Variants in SMOC2 observed in about 807,000 individuals in gnomAD.
SMOC2 encodes the protein SPARC related modular calcium binding 2.
A neutral mutation model predicts 61.4 loss-of-function variants in SMOC2; 39 were observed. The ratio of observed to expected loss-of-function variants is 0.64; its 90% CI spans 0.49 to 0.83. The LOEUF (loss-of-function observed/expected upper bound fraction) is 0.83, where lower values mean the gene tolerates loss of function less well. SMOC2 is among the 40% of genes least tolerant of loss of function. The pLI is 0.00. For synonymous variants in SMOC2, 247 were observed against 239.9 expected (o/e 1.03, Z -0.27); for missense variants, 556 against 592.9 (o/e 0.94, Z 0.65).
At chr6:168,531,569 G>C (rs1391704924) in intron 4 of SMOC2, among the ~76,000 whole-genome samples, 1 of 152,174 alleles carries the variant, frequency 6.6e-6, no homozygotes, top group African/African-American at 2.4e-5. Context: ...GGGGGATTTG[G>C]GGAACAGGAA....
intron 1 of SMOC2, among the ~76,000 whole-genome samples, chr6:168,441,978 T>A (rs1209949722): frequency 6.6e-6 from 1 of 152,204 alleles, no homozygotes; most frequent in Admixed American, 6.5e-5. Context: ...CCGACCGCTT[T>A]GGGCTCGTGC....
chr6:168,558,549 T>C (rs1784304811), intron 7 of SMOC2, among the ~76,000 whole-genome samples: 2 of 152,178 alleles, frequency 1.3e-5, no homozygotes, highest in African/African-American at 4.8e-5. Flanking sequence ...ATTTTACCTA[T>C]CTGGGTTTCA....
chr6:168,608,305 G>C, intron 9 of SMOC2, 66 bp downstream of exon 9: 1 of 1,511,286 alleles, frequency 6.6e-7, no homozygotes, highest in Non-Finnish European at 9.0e-7. Flanking sequence ...TGCAAATTTG[G>C]AATGAAAAAG....
rs1782049951 is a variant in SMOC2 at position 168,475,160 on chromosome 6, A to G, written c.84+33706A>G. Among the ~76,000 whole-genome samples the G allele has an allele frequency of 6.6e-6, 1 of 152,054 alleles. No homozygotes were observed. Among genetic ancestry groups the G allele is most frequent in the Non-Finnish European group, 1.5e-5 (1 of 67,990 alleles). ...GTCTAGTGAGGAGTTTGGAATCGGG[A>G]AGATGAGTTCAAATGCCAGCCCTGC... On this transcript the variant is annotated intron_variant, in intron 1 of 12. Transcript: ENST00000356284. The surrounding 1 kb of genome is among the most constrained non-coding windows in gnomAD (Gnocchi z 4.6).
intron 8 of SMOC2, among the ~76,000 whole-genome samples, chr6:168,604,466 C>T (rs1226266624): frequency 6.6e-6 from 1 of 152,138 alleles, no homozygotes; most frequent in African/African-American, 2.4e-5. Context: ...CCTCATCTCC[C>T]AGTGATTCTG....
intron 9 of SMOC2, among the ~76,000 whole-genome samples, chr6:168,615,980 A>G (rs895782914): frequency 6.6e-6 from 1 of 152,224 alleles, no homozygotes; most frequent in African/African-American, 2.4e-5. Context: ...TCCAAAAGGT[A>G]GTTAGATCAG....
intron 11 of SMOC2, among the ~76,000 whole-genome samples, chr6:168,655,683 A>G (rs1301166049): frequency 6.6e-6 from 1 of 151,032 alleles, no homozygotes. Flanking sequence ...TTTCCCTCAC[A>G]CATGTGTGCT....
chr6:168,558,821 ATG>A lies in SMOC2; in HGVS notation c.637+9621_637+9622del, dbSNP rs561039284. On this transcript the variant is annotated intron_variant, in intron 7 of 12. Coordinates refer to ENST00000356284, the MANE Select transcript of SMOC2 (RefSeq NM_001166412.2). The stretch of plus-strand genomic sequence containing the variant: ...CGTGTGCGCATGTGTGTGTGTGCGT[ATG>A]TGCATGTGTGTGCACGTGTGTATGT... Among the ~76,000 whole-genome samples, 813 of 148,224 alleles carry A rather than the reference ATG, an allele frequency of 5.5e-3. 12 individuals carry two copies. The highest frequency in any genetic ancestry group is 0.019 in the African/African-American group (775 of 40,012).
chr6:168,543,008 C>T (rs1007638853), intron 4 of SMOC2, among the ~76,000 whole-genome samples: 7 of 152,214 alleles, frequency 4.6e-5, no homozygotes, highest in Admixed American at 3.3e-4. Flanking sequence ...TTTTATTTCT[C>T]GAGTTGGTAT....
At chr6:168,491,777 C>T (rs1259393828) in intron 1 of SMOC2, among the ~76,000 whole-genome samples, 1 of 152,076 alleles carries the variant, frequency 6.6e-6, no homozygotes, top group African/African-American at 2.4e-5. Flanking sequence ...AAAGAGATTG[C>T]TTGTTGGCCG....
chr6:168,645,556 T>G (rs1289040704), intron 9 of SMOC2, among the ~76,000 whole-genome samples: 1 of 152,116 alleles, frequency 6.6e-6, no homozygotes, highest in Non-Finnish European at 1.5e-5. Flanking sequence ...GCCTTAAAAT[T>G]CTGACCAAAT....
chr6:168,632,968 C>T (rs1479228523), intron 9 of SMOC2, among the ~76,000 whole-genome samples: 1 of 152,184 alleles, frequency 6.6e-6, no homozygotes, highest in Non-Finnish European at 1.5e-5. Context: ...CTTCCCCCTT[C>T]CCCAGGGGTC....
chr6:168,474,227 ATG>A, intron 1 of SMOC2, among the ~76,000 whole-genome samples: 1 of 152,174 alleles, frequency 6.6e-6, no homozygotes, highest in African/African-American at 2.4e-5. Context: ...TGCACGTTTT[ATG>A]GGGGAGGCCA....
At chr6:168,635,640 G>T (rs981018412) in intron 9 of SMOC2, among the ~76,000 whole-genome samples, 2 of 152,178 alleles carry the variant, frequency 1.3e-5, no homozygotes, top group African/African-American at 4.8e-5. Flanking sequence ...GGAGGCCGAG[G>T]TGGGTAGATC....
intron 9 of SMOC2, among the ~76,000 whole-genome samples, chr6:168,632,832 G>C (rs966141389): frequency 6.6e-6 from 1 of 152,180 alleles, no homozygotes; most frequent in African/African-American, 2.4e-5. Context: ...CCATCCTTTT[G>C]ATGCCTTTTC....
chr6:168,498,737 A>G (rs889769616), intron 1 of SMOC2, among the ~76,000 whole-genome samples: 1 of 121,606 alleles, frequency 8.2e-6, no homozygotes, highest in Non-Finnish European at 2.0e-5. Context: ...GGGGATGGCC[A>G]GGGCCCATAG....
At chr6:168,509,181 G>C (rs1782949005) in intron 1 of SMOC2, among the ~76,000 whole-genome samples, 1 of 152,208 alleles carries the variant, frequency 6.6e-6, no homozygotes, top group South Asian at 2.1e-4. Context: ...AGCTGTAAAA[G>C]AGCAGGAGGG....
At chr6:168,476,752 G>T (rs1260636069) in intron 1 of SMOC2, among the ~76,000 whole-genome samples, 2 of 151,866 alleles carry the variant, frequency 1.3e-5, no homozygotes, top group African/African-American at 2.4e-5. Context: ...GAACAACATT[G>T]TACATAATAA....
At chr6:168,588,067 T>C (rs1785083929) in intron 7 of SMOC2, among the ~76,000 whole-genome samples, 1 of 149,434 alleles carries the variant, frequency 6.7e-6, no homozygotes, top group African/African-American at 2.4e-5. Flanking sequence ...CGGTGTCCTT[T>C]TGTTTCCTCA....
Sources: gnomAD v4.1 joint callset for allele counts (sites outside exome capture counted in the v4.1 genomes callset) on GRCh38, gnomAD v4.1.1 for gene constraint, Gnocchi (gnomAD v3.1) non-coding constraint, MANE v1.5 for transcripts, NCBI Gene and HGNC (gene_info 2026-07-23, HGNC 2026-07-21) for gene names.